Variants in RBFOX1 observed in about 807,000 individuals in gnomAD.
RBFOX1 encodes the protein RNA binding protein fox-1 homolog 1.
In RBFOX1, 8 loss-of-function variants were observed where a neutral mutation model predicts 57.7. That is an observed-to-expected ratio of 0.14 (90% CI 0.08 to 0.25). The LOEUF (loss-of-function observed/expected upper bound fraction) is 0.25. Among genes scored for constraint, RBFOX1 ranks in the 10% least tolerant of loss-of-function variants. The probability of loss-of-function intolerance (pLI) is 1.00; values close to 1 mark genes in which losing one functional copy is unlikely to be tolerated. For synonymous variants in RBFOX1, 326 were observed against 222.4 expected (o/e 1.47, Z -4.15); for missense variants, 611 against 548.5 (o/e 1.11, Z -1.14).
At chr16:7,545,211 T>C (rs1373718253) in intron 5 of RBFOX1, among the ~76,000 whole-genome samples, 1 of 152,156 alleles carries the variant, frequency 6.6e-6, no homozygotes, top group East Asian at 1.9e-4. Flanking sequence ...GTAAAGGTTG[T>C]TTTTGTGGAG....
At chr16:6,659,779 A>C (rs1031782462) in intron 3 of RBFOX1, among the ~76,000 whole-genome samples, 2 of 152,092 alleles carry the variant, frequency 1.3e-5, no homozygotes, top group African/African-American at 4.8e-5. Context: ...AGTAGTTGGC[A>C]CCCAACAGTG....
chr16:5,648,706 T>C (rs528904559), intron 3 of RBFOX1, among the ~76,000 whole-genome samples: 2 of 152,182 alleles, frequency 1.3e-5, no homozygotes, highest in South Asian at 4.1e-4. Context: ...GGACTGGAAG[T>C]TATTGAGGAT....
At chr16:6,530,239 A>G (rs993335112) in intron 2 of RBFOX1, among the ~76,000 whole-genome samples, 3 of 152,036 alleles carry the variant, frequency 2.0e-5, no homozygotes, top group African/African-American at 7.2e-5. Flanking sequence ...GTTTGGGGGC[A>G]GGAAGAAGCG....
intron 3 of RBFOX1, among the ~76,000 whole-genome samples, chr16:5,761,480 G>T (rs1478742942): frequency 6.6e-6 from 1 of 152,198 alleles, no homozygotes; most frequent in African/African-American, 2.4e-5. Flanking sequence ...AATTGACTCA[G>T]TTCCACATGG....
intron 3 of RBFOX1, among the ~76,000 whole-genome samples, chr16:6,950,485 G>T (rs1568037962): frequency 6.6e-6 from 1 of 152,134 alleles, no homozygotes; most frequent in Admixed American, 6.6e-5. Flanking sequence ...ATAAATGTTT[G>T]ATGACCTGAA....
chr16:7,559,590 C>G (rs1165917084), intron 5 of RBFOX1, among the ~76,000 whole-genome samples: 2 of 152,188 alleles, frequency 1.3e-5, no homozygotes, highest in East Asian at 1.9e-4. Context: ...ACACGAGACA[C>G]CCAATCCAAG....
intron 4 of RBFOX1, among the ~76,000 whole-genome samples, chr16:7,221,521 C>G (rs2092730689): frequency 1.3e-5 from 2 of 152,006 alleles, no homozygotes; most frequent in African/African-American, 4.8e-5. Context: ...TGCGTGCCAT[C>G]ACACCTAGCT....
At chr16:5,387,797 G>A (rs1029261895) in intron 1 of RBFOX1, among the ~76,000 whole-genome samples, 6 of 152,174 alleles carry the variant, frequency 3.9e-5, no homozygotes, top group Admixed American at 1.3e-4. Flanking sequence ...GTGGAATTAA[G>A]GTTGGTTATT....
intron 4 of RBFOX1, among the ~76,000 whole-genome samples, chr16:7,411,325 C>G (rs114165071): frequency 6.6e-5 from 10 of 152,074 alleles, no homozygotes; most frequent in African/African-American, 1.9e-4. Flanking sequence ...TCTCATCCTC[C>G]TCAGTTTAGC....
At chr16:6,640,334 C>A (rs895128997) in intron 2 of RBFOX1, among the ~76,000 whole-genome samples, 2 of 152,120 alleles carry the variant, frequency 1.3e-5, no homozygotes, top group African/African-American at 4.8e-5. Context: ...AGAGGCCGGG[C>A]ATAGTGGCTC....
At chr16:5,606,066 A>G (rs1157787988) in intron 3 of RBFOX1, among the ~76,000 whole-genome samples, 1 of 152,168 alleles carries the variant, frequency 6.6e-6, no homozygotes, top group East Asian at 1.9e-4. Flanking sequence ...TGCCCGTGGC[A>G]TGTCTCTAGT....
intron 1 of RBFOX1, among the ~76,000 whole-genome samples, chr16:5,249,986 G>T (rs1220948764): frequency 6.6e-6 from 1 of 151,608 alleles, no homozygotes; most frequent in African/African-American, 2.4e-5. Flanking sequence ...GCAGATTGCA[G>T]TGAGGAGGAG....
At chr16:6,764,500 A>T (rs919460818) in intron 3 of RBFOX1, among the ~76,000 whole-genome samples, 4 of 152,158 alleles carry the variant, frequency 2.6e-5, no homozygotes, top group Non-Finnish European at 4.4e-5. Flanking sequence ...CATCCCACGG[A>T]TGCTTATTGA....
intron 4 of RBFOX1, among the ~76,000 whole-genome samples, chr16:7,291,636 C>G (rs1351122389): frequency 2.6e-5 from 4 of 151,840 alleles, no homozygotes; most frequent in African/African-American, 4.8e-5. Flanking sequence ...TGTGCAGATG[C>G]GTTTGTTTGG....
At chr16:5,912,091 A>G (rs150479151) in intron 4 of RBFOX1, among the ~76,000 whole-genome samples, 22 of 152,194 alleles carry the variant, frequency 1.4e-4, no homozygotes, top group African/African-American at 5.3e-4. Flanking sequence ...TGGTGGAAAA[A>G]CAAATAAGCA....
chr16:6,612,039 A>G (rs1375339194), intron 2 of RBFOX1, among the ~76,000 whole-genome samples: 1 of 152,150 alleles, frequency 6.6e-6, no homozygotes, highest in Non-Finnish European at 1.5e-5. Flanking sequence ...AAGTCCCGGA[A>G]TAGTTCCTGT....
intron 2 of RBFOX1, among the ~76,000 whole-genome samples, chr16:6,484,722 G>A (rs1254045724): frequency 6.6e-6 from 1 of 152,066 alleles, no homozygotes; most frequent in Non-Finnish European, 1.5e-5. Context: ...TCCTACTTAA[G>A]AGGGCTCCAA....
At chr16:6,542,329 G>T (rs562191152) in intron 2 of RBFOX1, among the ~76,000 whole-genome samples, 1 of 151,964 alleles carries the variant, frequency 6.6e-6, no homozygotes, top group East Asian at 1.9e-4. Context: ...CCTCACACAG[G>T]GCTGGATTGT....
intron 4 of RBFOX1, among the ~76,000 whole-genome samples, chr16:5,914,728 C>CAAAAAA (rs1298541693): frequency 7.9e-5 from 12 of 152,242 alleles, no homozygotes; most frequent in Non-Finnish European, 1.5e-4. Context: ...AAGCCCACCT[C>CAAAAAA]TACTAAAAAT....
Sources: gnomAD v4.1 joint callset for allele counts (sites outside exome capture counted in the v4.1 genomes callset) on GRCh38, gnomAD v4.1.1 for gene constraint, MANE v1.5 for transcripts, NCBI Gene and HGNC (gene_info 2026-07-23, HGNC 2026-07-21) for gene names.